DNAH12: variants seen among roughly 807,000 people sequenced by gnomAD.
DNAH12 encodes the protein dynein axonemal heavy chain 12, also known as axonemal beta dynein heavy chain 12.
In DNAH12, 285 loss-of-function variants were observed where a neutral mutation model predicts 371.5. That is an observed-to-expected ratio of 0.77 (90% CI 0.70 to 0.85). The LOEUF (loss-of-function observed/expected upper bound fraction) is 0.85, where lower values mean the gene tolerates loss of function less well. Among genes scored for constraint, DNAH12 ranks in the 40% least tolerant of loss-of-function variants. DNAH12 has a pLI of 0.00. For missense variants in DNAH12, 3,611 were observed against 3,689.4 expected (o/e 0.98, Z 0.55); for synonymous variants, 1,200 against 1,213.0 (o/e 0.99, Z 0.22).
chr3:57,322,362 C>T lies in DNAH12; in HGVS notation c.10505G>A (p.Gly3502Glu), dbSNP rs753142118. ...DPVSDPEFFK[G>E]CRGKELAWEK... ...TATTACCAGTTCCTTTCCACGGCAT[C>T]CCTTGAAAAACTCAGGATCAGAAAC... Residue 3502 changes from glycine (G) to glutamate (E), a missense_variant, in exon 65 of 74, where the codon GGA (glycine) becomes GAA (glutamate). Gly to Glu is a moderately conservative substitution (Grantham distance 98, BLOSUM62 -2). Coordinates refer to ENST00000495027, the MANE Select transcript of DNAH12 (RefSeq NM_001366028.2). The T allele has an allele frequency of 1.2e-5, 18 of 1,551,136 alleles. 2 individuals are homozygous for T. The South Asian group carries it at 1.7e-4, about 14-fold the overall frequency.
the DNAH12 span, among the ~76,000 whole-genome samples, chr3:57,554,944 A>G: frequency 6.6e-6 from 1 of 152,266 alleles, no homozygotes; most frequent in Non-Finnish European, 1.5e-5. Context: ...AGAAATAGCA[A>G]TAAAGTGCAC....
intron 26 of DNAH12, 121 bp downstream of exon 26, chr3:57,446,416 G>A: frequency 7.0e-7 from 1 of 1,423,240 alleles, no homozygotes. Context: ...CTCCTAAAAT[G>A]AAAGTCCAAG....
rs1218095360 is a variant in DNAH12 at position 57,325,856 on chromosome 3, T to G, written c.9979-2237A>C. Among the ~76,000 whole-genome samples, 2 of 151,876 alleles carry G rather than the reference T, an allele frequency of 1.3e-5. 1 individual carries two copies. Among genetic ancestry groups the G allele is most frequent in the Middle Eastern group, 6.3e-3 (2 of 316 alleles). Reference sequence around the variant, plus strand: ...ACAAATGTATAATTAGAACAACCAATACAGAGAAGTGCTTAAAGGAGCTGA... The same window carrying G: ...ACAAATGTATAATTAGAACAACCAAGACAGAGAAGTGCTTAAAGGAGCTGA... On this transcript the variant is annotated intron_variant, in intron 62 of 73. Coordinates refer to ENST00000495027, the MANE Select transcript of DNAH12 (RefSeq NM_001366028.2).
chr3:57,480,768 C>T (rs375608883), intron 13 of DNAH12, among the ~76,000 whole-genome samples: 16 of 152,206 alleles, frequency 1.1e-4, no homozygotes, highest in South Asian at 4.1e-4. Flanking sequence ...GTTCAACATA[C>T]GCAAATCAAT....
At chr3:57,360,451 G>C (rs2062899892) in intron 58 of DNAH12, among the ~76,000 whole-genome samples, 1 of 152,156 alleles carries the variant, frequency 6.6e-6, no homozygotes, top group African/African-American at 2.4e-5. Context: ...CACTTCGAGA[G>C]GCCAAGGCAG....
rs1353294832 is a variant in DNAH12, at chr3:57,363,628, T to C, written c.9326A>G (p.Lys3109Arg). ...CTTTGTTATTTCATTGGACATCATT[T>C]TGGCAGAGTCTAAGACTTTAATTGC... ...ESAIKVLDSA[K>R]MMSNEITKKQ... is the part of the protein sequence containing the mutation. The change falls in exon 58 of 74, where the codon AAA (lysine) becomes AGA (arginine). Residue 3109 changes from lysine (K) to arginine (R), a missense_variant. Around this residue, in one of 3 missense-constraint regions of DNAH12, gnomAD observed 2,266 missense variants for 2,236.9 expected, o/e 1.01. Coordinates refer to ENST00000495027, the MANE Select transcript of DNAH12 (RefSeq NM_001366028.2). 1 of 152,132 alleles carries C rather than the reference T, an allele frequency of 6.6e-6. No individual in the cohort carries two copies. 9.4% of individuals were successfully genotyped at this position (152,132 alleles called of 1,614,324 possible). A position where few individuals can be genotyped will look rare whatever the true frequency, so the allele number is the denominator to read the frequency against.
intron 70 of DNAH12, among the ~76,000 whole-genome samples, chr3:57,300,840 T>C (rs1370882415): frequency 1.3e-5 from 2 of 152,046 alleles, no homozygotes; most frequent in Admixed American, 6.6e-5. Flanking sequence ...CCATACTCCT[T>C]CATAAACATC....
intron 29 of DNAH12, among the ~76,000 whole-genome samples, chr3:57,441,396 A>T (rs771039804): frequency 7.2e-5 from 11 of 152,204 alleles, no homozygotes; most frequent in Non-Finnish European, 1.5e-4. Context: ...AAGAGAAAAA[A>T]AGAGGCATGA....
intron 60 of DNAH12, among the ~76,000 whole-genome samples, chr3:57,350,586 T>C (rs782167253): frequency 6.6e-6 from 1 of 152,196 alleles, no homozygotes; most frequent in Non-Finnish European, 1.5e-5. Context: ...GATGGTTATA[T>C]AGGAGAATAC....
In DNAH12 at chr3:57,367,423, T is replaced by C. The variant is rs2063075166; in HGVS notation, c.8975-502A>G. ...CAGCAGGACTCTTTCTGGGTTAATA[T>C]AGGACATTTTCTCTGGTTGTCATAG... On this transcript the variant is annotated intron_variant, in intron 56 of 73. Coordinates refer to ENST00000495027, the MANE Select transcript of DNAH12 (RefSeq NM_001366028.2). Among the ~76,000 whole-genome samples the C allele has an allele frequency of 1.3e-5, 2 of 152,310 alleles. 1 individual carries two copies. Among genetic ancestry groups the C allele is most frequent in the Middle Eastern group, 6.8e-3 (2 of 294 alleles).
Position 57,433,786 on chromosome 3 carries a change from A to T in DNAH12, c.4698T>A (p.Val1566=), listed in dbSNP as rs1438229720. Residue 1566 remains valine (V), a synonymous_variant, in exon 31 of 74, where the codon GTT becomes GTA. Transcript: ENST00000495027. ...VGEPFAAKTK[V]LHVLADTLTL... is the part of the protein sequence containing the mutation. ...TTAGCGTATCCGCCAGCACATGCAG[A>T]ACTTTTGTCTTAGCAGCAAAAGGCT... 2.6e-6 allele frequency: 4 copies of T among 1,548,316 alleles called. No homozygotes were observed. The African/African-American group carries it at 5.5e-5, about 21-fold the overall frequency.
intron 13 of DNAH12, among the ~76,000 whole-genome samples, chr3:57,475,871 C>G (rs1559699274): frequency 6.6e-6 from 1 of 152,054 alleles, no homozygotes; most frequent in African/African-American, 2.4e-5. Flanking sequence ...AGAATTTTGC[C>G]TTAATTAGTA....
rs1228648458 is a variant in DNAH12 at position 57,377,117 on chromosome 3, G to A, written c.8329C>T (p.His2777Tyr). 1.3e-5 allele frequency: 2 copies of A among 152,150 alleles called. No homozygotes were observed. The highest frequency in any genetic ancestry group is 4.8e-5 in the African/African-American group (2 of 41,428). The allele number at this position is 152,150 out of a possible 1,614,324, so 9.4% of individuals were successfully genotyped here. A position where few individuals can be genotyped will look rare whatever the true frequency, so the allele number is the denominator to read the frequency against. The change falls in exon 53 of 74, where the codon CAT becomes TAT. Residue 2777 changes from histidine (H) to tyrosine (Y), a missense_variant. Physicochemically the swap from His to Tyr is moderately conservative, Grantham distance 83. Transcript: ENST00000495027. Reference protein sequence around the residue: ...KRAELAEVEHHLENLQMTFLE... With the variant: ...KRAELAEVEHYLENLQMTFLE... ...AATGTCATTTGTAAATTTTCCAGAT[G>A]ATGTTCTACTTCTGCCAGTTCTGCT...
intron 2 of DNAH12, among the ~76,000 whole-genome samples, chr3:57,525,079 C>T (rs377125538): frequency 2.4e-4 from 32 of 133,996 alleles, no homozygotes; most frequent in Non-Finnish European, 2.2e-4. Flanking sequence ...TGTAGGGTGT[C>T]AAGTACGACA....
chr3:57,542,613 T>A, intron 2 of DNAH12, 88 bp downstream of exon 2: 3 of 1,420,500 alleles, frequency 2.1e-6, no homozygotes, highest in Non-Finnish European at 2.8e-6. Flanking sequence ...ATGAACAACC[T>A]CCACAGTTAA....
At chr3:57,432,336 A>ATTAT in intron 32 of DNAH12, among the ~76,000 whole-genome samples, 1 of 137,802 alleles carries the variant, frequency 7.3e-6, no homozygotes, top group African/African-American at 2.7e-5. Context: ...CACCCAGCTA[A>ATTAT]TTTTTTTTTT....
intron 2 of DNAH12, among the ~76,000 whole-genome samples, chr3:57,529,143 T>C (rs2068752644): frequency 6.6e-6 from 1 of 152,216 alleles, no homozygotes; most frequent in African/African-American, 2.4e-5. Context: ...GTTTTGCTAG[T>C]ATTTTGTTGA....
intron 35 of DNAH12, among the ~76,000 whole-genome samples, chr3:57,422,737 C>T (rs1023957658): frequency 6.6e-5 from 10 of 152,148 alleles, no homozygotes; most frequent in Non-Finnish European, 1.2e-4. Flanking sequence ...ATATTTCCAC[C>T]TGTGAAAATG....
At chr3:57,407,244 C>A (rs1490946425) in intron 40 of DNAH12, among the ~76,000 whole-genome samples, 1 of 147,954 alleles carries the variant, frequency 6.8e-6, no homozygotes, top group East Asian at 2.0e-4. Flanking sequence ...CCTGCTCCAA[C>A]CTCCACACAT....
Sources: gnomAD v4.1 joint callset for allele counts (sites outside exome capture counted in the v4.1 genomes callset) on GRCh38, gnomAD v4.1.1 for gene constraint, gnomAD v4.1.1 regional missense constraint, MANE v1.5 for transcripts, NCBI Gene and HGNC (gene_info 2026-07-23, HGNC 2026-07-21) for gene names.